Variants in PLCL1 observed in about 807,000 individuals in gnomAD.
PLCL1 encodes inactive phospholipase C-like protein 1.
A neutral mutation model predicts 84.4 loss-of-function variants in PLCL1; 41 were observed. That is an observed-to-expected ratio of 0.49 (90% confidence interval 0.38 to 0.63). The LOEUF is 0.63. PLCL1 is among the 30% of genes least tolerant of loss of function. PLCL1 has a pLI of 0.00. For missense variants in PLCL1, 1,206 were observed against 1,367.8 expected, an observed-to-expected ratio of 0.88 and a Z score of 1.87; for synonymous variants, 490 against 488.3, an observed-to-expected ratio of 1.00 and a Z score of -0.05.
chr2:198,134,355 A>G (rs924498543), intron 5 of PLCL1, among the ~76,000 whole-genome samples: 2 of 152,104 alleles, frequency 1.3e-5, no homozygotes, highest in Non-Finnish European at 2.9e-5. Context: ...GTCATTGTGG[A>G]GGAAGCTGAG....
intron 1 of PLCL1, among the ~76,000 whole-genome samples, chr2:197,922,852 C>A (rs1270328224): frequency 8.3e-6 from 1 of 120,080 alleles, no homozygotes; most frequent in Non-Finnish European, 1.8e-5. Flanking sequence ...TAGGGGCGGC[C>A]GGGCAGAGGC....
chr2:197,941,422 G>A (rs920442780), intron 1 of PLCL1, among the ~76,000 whole-genome samples: 2 of 152,040 alleles, frequency 1.3e-5, no homozygotes, highest in Admixed American at 6.6e-5. Flanking sequence ...CTCCCAAGTA[G>A]CTGGGGCTGC....
intron 1 of PLCL1, among the ~76,000 whole-genome samples, chr2:197,948,925 T>A (rs1452413276): frequency 6.6e-6 from 1 of 152,192 alleles, no homozygotes; most frequent in Non-Finnish European, 1.5e-5. Flanking sequence ...TCTAGTCCCA[T>A]GTCTCTGATC....
chr2:198,090,153 G>A (rs778176140), intron 3 of PLCL1, among the ~76,000 whole-genome samples: 17 of 152,022 alleles, frequency 1.1e-4, no homozygotes, highest in Non-Finnish European at 2.5e-4. Flanking sequence ...TTAGCTAAGT[G>A]AAATATAATA....
chr2:197,936,633 T>C (rs1458961129), intron 1 of PLCL1, among the ~76,000 whole-genome samples: 1 of 152,152 alleles, frequency 6.6e-6, no homozygotes, highest in African/African-American at 2.4e-5. Context: ...AAGTTTCTTA[T>C]ATATTTTGAA....
intron 1 of PLCL1, among the ~76,000 whole-genome samples, chr2:198,078,653 T>C (rs1692638133): frequency 6.6e-6 from 1 of 152,144 alleles, no homozygotes; most frequent in Non-Finnish European, 1.5e-5. Context: ...GGTGTTTTGA[T>C]TTCTAGTCTT....
At chr2:198,130,861 C>T (rs907896836) in intron 5 of PLCL1, among the ~76,000 whole-genome samples, 2 of 152,126 alleles carry the variant, frequency 1.3e-5, no homozygotes, top group African/African-American at 4.8e-5. Context: ...AGTCATTTCT[C>T]CTCTATCCTT....
At chr2:197,918,945 T>TCC (rs1688650975) in intron 1 of PLCL1, among the ~76,000 whole-genome samples, 1 of 131,498 alleles carries the variant, frequency 7.6e-6, no homozygotes, top group African/African-American at 2.6e-5. Flanking sequence ...TGTCTCTCTC[T>TCC]CTCTCTCTCT....
chr2:198,095,312 A>C (rs1285489217), intron 3 of PLCL1, among the ~76,000 whole-genome samples: 1 of 152,196 alleles, frequency 6.6e-6, no homozygotes, highest in Admixed American at 6.5e-5. Flanking sequence ...TATCCCACTG[A>C]AGTAGGTAGT....
intron 1 of PLCL1, among the ~76,000 whole-genome samples, chr2:197,915,933 A>G (rs1688591428): frequency 6.6e-6 from 1 of 152,232 alleles, no homozygotes; most frequent in East Asian, 1.9e-4. Flanking sequence ...TAGGAGAAAT[A>G]GCTAAGTTAG....
intron 1 of PLCL1, among the ~76,000 whole-genome samples, chr2:197,812,777 C>T: frequency 6.6e-6 from 1 of 152,166 alleles, no homozygotes; most frequent in East Asian, 1.9e-4. Flanking sequence ...CTCTGTGAGA[C>T]ATTCTCTGAT....
intron 3 of PLCL1, among the ~76,000 whole-genome samples, chr2:198,095,055 G>A (rs1384491789): frequency 3.3e-5 from 5 of 152,094 alleles, no homozygotes; most frequent in South Asian, 2.1e-4. Flanking sequence ...TGCCTCTTTC[G>A]CAGGCTAAAT....
chr2:197,998,458 G>A (rs2105818391), intron 1 of PLCL1, among the ~76,000 whole-genome samples: 1 of 152,138 alleles, frequency 6.6e-6, no homozygotes, highest in South Asian at 2.1e-4. Context: ...AGATGTCCAA[G>A]TTGCTGCTAC....
intron 5 of PLCL1, among the ~76,000 whole-genome samples, chr2:198,108,238 C>T (rs561135613): frequency 6.6e-6 from 1 of 151,764 alleles, no homozygotes; most frequent in Non-Finnish European, 1.5e-5. Context: ...TAATAACCAT[C>T]CTGGAAAGAC....
At chr2:197,954,099 A>C (rs1266130905) in intron 1 of PLCL1, among the ~76,000 whole-genome samples, 3 of 152,112 alleles carry the variant, frequency 2.0e-5, no homozygotes, top group African/African-American at 7.2e-5. Context: ...ATTTGGATAC[A>C]TGGATATTTA....
chr2:197,954,573 C>T (rs998854012), intron 1 of PLCL1, among the ~76,000 whole-genome samples: 3 of 152,006 alleles, frequency 2.0e-5, no homozygotes, highest in Non-Finnish European at 2.9e-5. Flanking sequence ...TAGTATAATA[C>T]GATGGCATCA....
chr2:197,869,789 T>C (rs1472737210), intron 1 of PLCL1, among the ~76,000 whole-genome samples: 2 of 152,188 alleles, frequency 1.3e-5, no homozygotes, highest in Non-Finnish European at 2.9e-5. Flanking sequence ...AATTTTTATC[T>C]GTCATGTAAA....
At chr2:198,117,828 C>T (rs1433059478) in intron 5 of PLCL1, among the ~76,000 whole-genome samples, 1 of 151,684 alleles carries the variant, frequency 6.6e-6, no homozygotes, top group Non-Finnish European at 1.5e-5. Context: ...CTGAGTCAGC[C>T]CATAGAGTCT....
chr2:198,031,659 C>CTTTTT (rs5837577), intron 1 of PLCL1, among the ~76,000 whole-genome samples: 1 of 103,826 alleles, frequency 9.6e-6, no homozygotes, highest in African/African-American at 3.8e-5. Context: ...ATGGCCAGTG[C>CTTTTT]TTTTTTTTTT....
Sources: gnomAD v4.1 joint callset for allele counts (sites outside exome capture counted in the v4.1 genomes callset) on GRCh38, gnomAD v4.1.1 for gene constraint, MANE v1.5 for transcripts, NCBI Gene and HGNC (gene_info 2026-07-23, HGNC 2026-07-21) for gene names.